The following YIPF7 variants were observed in gnomAD, a reference collection of about 807,000 sequenced individuals.
YIPF7 encodes the protein protein YIPF7.
In YIPF7, 35 loss-of-function variants were observed where a neutral mutation model predicts 27.2. The ratio of observed to expected loss-of-function variants is 1.29; its 90% CI spans 0.98 to 1.70. The LOEUF (loss-of-function observed/expected upper bound fraction) is 1.70. Ranked by LOEUF, YIPF7 falls within the 40% of genes most tolerant of loss-of-function variation. YIPF7 has a pLI of 0.00. For synonymous variants in YIPF7, 137 were observed against 110.4 expected (o/e 1.24, Z -1.51); for missense variants, 358 against 303.7 (o/e 1.18, Z -1.33).
chr4:44,634,918 A>T (rs367985287), intron 3 of YIPF7, among the ~76,000 whole-genome samples: 28 of 152,344 alleles, frequency 1.8e-4, no homozygotes, highest in African/African-American at 6.5e-4. Context: ...CTGGTTAAAG[A>T]TAACTGATCC....
chr4:44,637,344 T>C (rs1328506019), intron 2 of YIPF7, among the ~76,000 whole-genome samples: 1 of 152,214 alleles, frequency 6.6e-6, no homozygotes, highest in Non-Finnish European at 1.5e-5. Flanking sequence ...TAGAGGCTAA[T>C]AATTTACATT....
In YIPF7 at chr4:44,636,681, C is replaced by T. The variant is rs191873750; in HGVS notation, c.117-596G>A. Among the ~76,000 whole-genome samples the T allele has an allele frequency of 2.6e-3, 393 of 152,038 alleles. 1 individual carries two copies. The highest frequency in any genetic ancestry group is 9.3e-3 in the African/African-American group (385 of 41,472). On this transcript the variant is annotated intron_variant, in intron 2 of 5. Coordinates refer to ENST00000415895, the MANE Select transcript of YIPF7 (RefSeq NM_182592.3). ...GAAATACACTTCAGTTGTAGCCATTCCAAGACAGTCATTGCCAGTAGAATT... is the reference window on the plus strand; with the variant it reads ...GAAATACACTTCAGTTGTAGCCATTTCAAGACAGTCATTGCCAGTAGAATT...
upstream of YIPF7, among the ~76,000 whole-genome samples, chr4:44,655,332 G>C (rs1713858525): frequency 1.3e-5 from 2 of 151,986 alleles, no homozygotes; most frequent in South Asian, 4.1e-4. Flanking sequence ...GAAGCAAATT[G>C]ATTTGTGCAG....
intron 2 of YIPF7, among the ~76,000 whole-genome samples, chr4:44,648,203 T>C (rs1005348889): frequency 2.0e-5 from 3 of 152,160 alleles, no homozygotes; most frequent in African/African-American, 7.2e-5. Context: ...GAGTATCCTT[T>C]ATCTGAAATG....
At chr4:44,650,507 G>GCGCGCGCGCACACATGCGCGCGCGCGCA (rs6148421) in intron 1 of YIPF7, among the ~76,000 whole-genome samples, 1 of 137,086 alleles carries the variant, frequency 7.3e-6, no homozygotes, top group African/African-American at 2.7e-5. Context: ...GCGCGCGCGC[G>GCGCGCGCGCACACATGCGCGCGCGCGCA]CACACACACA....
intron 1 of YIPF7, chr4:44,660,760 A>C (rs1714026309): frequency 2.0e-5 from 3 of 152,208 alleles, no homozygotes; most frequent in African/African-American, 4.8e-5. Context: ...GAGACCAAGT[A>C]GTAGGAAAAA....
intron 4 of YIPF7, among the ~76,000 whole-genome samples, chr4:44,627,678 A>G (rs1712722628): frequency 6.6e-6 from 1 of 152,192 alleles, no homozygotes. Context: ...GCATAAAGAC[A>G]TTCAGAAAAT....
chr4:44,644,419 G>A (rs1194101228), intron 2 of YIPF7, among the ~76,000 whole-genome samples: 1 of 152,224 alleles, frequency 6.6e-6, no homozygotes, highest in Non-Finnish European at 1.5e-5. Context: ...AAGCCACCAT[G>A]GGCTGCACAC....
chr4:44,634,474 G>A (rs897513255), intron 3 of YIPF7, among the ~76,000 whole-genome samples: 17 of 152,104 alleles, frequency 1.1e-4, no homozygotes, highest in Non-Finnish European at 4.4e-5. Context: ...AGAGGTTGCA[G>A]AGAGCTGAGA....
rs1446181738 is a variant in YIPF7, at chr4:44,622,563, T to C, written c.622A>G (p.Ile208Val). 6 of 1,613,360 alleles carry C rather than the reference T, an allele frequency of 3.7e-6. No homozygotes were observed. In the East Asian group the frequency reaches 1.3e-4, roughly 36 times the overall value. The change falls in exon 6 of 6, where the codon ATC becomes GTC. Residue 208 changes from isoleucine (I) to valine (V), a missense_variant. Ile to Val is a conservative substitution (Grantham distance 29). Coordinates refer to ENST00000415895, the MANE Select transcript of YIPF7 (RefSeq NM_182592.3). Reference protein sequence around the residue: ...MFFSLQGIFGIMSSLVIIGWC... With the variant: ...MFFSLQGIFGVMSSLVIIGWC... The stretch of plus-strand genomic sequence containing the variant: ...CCAATGATGACCAGGGATGACATGA[T>C]TCCAAAGATGCCCCTGCAGCAAAGA...
At position 44,636,167 on chromosome 4, in the gene YIPF7, A is replaced by G. The variant is rs1229872491; in HGVS notation, c.117-82T>C. ...GGAGGAAAATTACAATTTTACTTAC[A>G]TGAATTCATGTAGTTTTTATGAGTA... On this transcript the variant is annotated intron_variant, in intron 2 of 5. Transcript: ENST00000415895. 2.9e-6 allele frequency: 4 copies of G among 1,379,248 alleles called. No individual in the cohort carries two copies. In the Admixed American group the frequency reaches 1.0e-4, roughly 35 times the overall value. 85.4% of individuals were successfully genotyped at this position (1,379,248 alleles called of 1,614,324 possible).
At chr4:44,661,805 G>T (rs1342714933) in intron 1 of YIPF7, among the ~76,000 whole-genome samples, 1 of 152,168 alleles carries the variant, frequency 6.6e-6, no homozygotes, top group African/African-American at 2.4e-5. Flanking sequence ...GAAGAAAAAA[G>T]ATTAACAGGA....
chr4:44,646,460 C>G (rs1713528944), intron 2 of YIPF7, among the ~76,000 whole-genome samples: 1 of 152,186 alleles, frequency 6.6e-6, no homozygotes, highest in African/African-American at 2.4e-5. Context: ...TCCTACCAAA[C>G]CACTCAAAGG....
At chr4:44,641,279 G>T in intron 2 of YIPF7, among the ~76,000 whole-genome samples, 1 of 151,946 alleles carries the variant, frequency 6.6e-6, no homozygotes, top group East Asian at 1.9e-4. Context: ...AAGTGTGATT[G>T]TCTACACACC....
chr4:44,632,782 A>C (rs1712955794), intron 3 of YIPF7, among the ~76,000 whole-genome samples: 1 of 152,174 alleles, frequency 6.6e-6, no homozygotes, highest in Non-Finnish European at 1.5e-5. Flanking sequence ...TGAGGCTTTC[A>C]CAAGTCACTC....
At chr4:44,651,190 A>G (rs1577744581) in intron 1 of YIPF7, among the ~76,000 whole-genome samples, 1 of 152,234 alleles carries the variant, frequency 6.6e-6, no homozygotes, top group Non-Finnish European at 1.5e-5. Context: ...GTTCAGTTCA[A>G]TGAAAACACA....
intron 2 of YIPF7, among the ~76,000 whole-genome samples, chr4:44,642,606 A>G (rs1028060604): frequency 6.6e-6 from 1 of 152,140 alleles, no homozygotes; most frequent in African/African-American, 2.4e-5. Context: ...GTAATCCCCA[A>G]TGCTGGAGGT....
intron 4 of YIPF7, among the ~76,000 whole-genome samples, chr4:44,626,828 G>T (rs1163299888): frequency 3.0e-5 from 4 of 131,906 alleles, no homozygotes; most frequent in Non-Finnish European, 6.2e-5. Flanking sequence ...CAGGCCGGAG[G>T]GCAGTGGTGC....
At position 44,626,794 on chromosome 4, in the gene YIPF7, G is replaced by A. The variant is rs78025399; in HGVS notation, c.427-2012C>T. Among the ~76,000 whole-genome samples the A allele has an allele frequency of 1.3e-4, 3 of 22,448 alleles. No homozygotes were observed. The Admixed American group carries it at 1.5e-3, about 11-fold the overall frequency. The allele number at this position is 22,448 out of a possible 152,430, so 14.7% of individuals were successfully genotyped here. ...TTTTTTTTTTTTTTTTTTTTTTTTT[G>A]TGATGGAGTCTCGCTCTTTCGCCCA... On this transcript the variant is annotated intron_variant, in intron 4 of 5. Coordinates refer to ENST00000415895, the MANE Select transcript of YIPF7 (RefSeq NM_182592.3).
Sources: gnomAD v4.1 joint callset for allele counts (sites outside exome capture counted in the v4.1 genomes callset) on GRCh38, gnomAD v4.1.1 for gene constraint, MANE v1.5 for transcripts, NCBI Gene and HGNC (gene_info 2026-07-23, HGNC 2026-07-21) for gene names.